Variants in KLHDC1 observed in about 807,000 individuals in gnomAD.
The protein encoded by KLHDC1 is kelch domain-containing protein 1.
A neutral mutation model predicts 68.3 loss-of-function variants in KLHDC1; 53 were observed. That is an observed-to-expected ratio of 0.78 (90% CI 0.62 to 0.98). KLHDC1 has a LOEUF of 0.98. Ranked by LOEUF, KLHDC1 falls within the 50% of genes least tolerant of loss-of-function variation. The pLI is 0.00. For synonymous variants in KLHDC1, 148 were observed against 159.0 expected, an observed-to-expected ratio of 0.93 and a Z score of 0.52; for missense variants, 470 against 492.3, an observed-to-expected ratio of 0.95 and a Z score of 0.43.
intron 4 of KLHDC1, among the ~76,000 whole-genome samples, chr14:49,711,048 A>G (rs893126046): frequency 2.0e-5 from 3 of 151,892 alleles, no homozygotes; most frequent in African/African-American, 7.3e-5. Flanking sequence ...GCTGGAGTGC[A>G]ATGGCACGAT....
chr14:49,715,561 A>G (rs1203511259), intron 4 of KLHDC1, among the ~76,000 whole-genome samples: 1 of 150,552 alleles, frequency 6.6e-6, no homozygotes, highest in Non-Finnish European at 1.5e-5. Flanking sequence ...AGCCTGGCTG[A>G]CAGTGAAACC....
chr14:49,722,346 A>G (rs1293194626), intron 4 of KLHDC1, among the ~76,000 whole-genome samples: 1 of 152,110 alleles, frequency 6.6e-6, no homozygotes, highest in African/African-American at 2.4e-5. Flanking sequence ...GTTCCCACCT[A>G]TGAGTGAGAA....
chr14:49,728,247 C>T (rs1041712269), intron 6 of KLHDC1, among the ~76,000 whole-genome samples: 2 of 151,316 alleles, frequency 1.3e-5, no homozygotes, highest in Admixed American at 1.3e-4. Flanking sequence ...CGCATAAACC[C>T]GGGAGGTGGA....
intron 1 of KLHDC1, among the ~76,000 whole-genome samples, chr14:49,694,579 C>T (rs1239581857): frequency 2.8e-4 from 43 of 152,102 alleles, no homozygotes; most frequent in Admixed American, 2.8e-3. Flanking sequence ...CCTGGCTGGG[C>T]GCGGTGGCTC....
chr14:49,731,965 G>T (rs1330311233), intron 8 of KLHDC1, among the ~76,000 whole-genome samples: 2 of 151,868 alleles, frequency 1.3e-5, no homozygotes, highest in East Asian at 3.9e-4. Flanking sequence ...TAATGTTTTG[G>T]GAAATTCTAG....
chr14:49,744,930 C>T (rs1200637987), intron 12 of KLHDC1, among the ~76,000 whole-genome samples: 1 of 152,062 alleles, frequency 6.6e-6, no homozygotes, highest in Non-Finnish European at 1.5e-5. Context: ...CTTGTAGTGT[C>T]TTAGTTCATA....
chr14:49,718,979 A>T (rs1340284467), intron 4 of KLHDC1, among the ~76,000 whole-genome samples: 1 of 151,616 alleles, frequency 6.6e-6, no homozygotes, highest in East Asian at 1.9e-4. Flanking sequence ...GGGTTTCACC[A>T]TGTTGGCCAA....
At chr14:49,703,373 G>C (rs567245071) in intron 1 of KLHDC1, among the ~76,000 whole-genome samples, 2 of 146,760 alleles carry the variant, frequency 1.4e-5, no homozygotes, top group Non-Finnish European at 3.0e-5. Flanking sequence ...ACAGAGTTTC[G>C]CTCCTGTTGC....
Position 49,729,474 on chromosome 14 carries a change from C to T in KLHDC1, c.652-16C>T, listed in dbSNP as rs771247723. On this transcript the variant is annotated splice_polypyrimidine_tract_variant and intron_variant, in intron 7 of 12. Coordinates refer to ENST00000359332, the MANE Select transcript of KLHDC1 (RefSeq NM_172193.3). ...AGATGTGAAATACTGACCAATGTAA[C>T]ACACTTTTCTTTTAGCAAACTAGGA... 1 of 1,583,674 alleles carries T rather than the reference C, an allele frequency of 6.3e-7. No individual in the cohort carries two copies. Among genetic ancestry groups the T allele is most frequent in the African/African-American group, 1.3e-5 (1 of 74,272 alleles).
chr14:49,727,772 T>G (rs1440965363), intron 6 of KLHDC1, among the ~76,000 whole-genome samples: 1 of 152,226 alleles, frequency 6.6e-6, no homozygotes, highest in East Asian at 1.9e-4. Context: ...GAATTATGTC[T>G]TACCAAGTTG....
chr14:49,705,138 A>G (rs887773319), intron 1 of KLHDC1, among the ~76,000 whole-genome samples: 1 of 152,148 alleles, frequency 6.6e-6, no homozygotes, highest in South Asian at 2.1e-4. Context: ...GAGTACTATA[A>G]GAGAGAAAAG....
intron 9 of KLHDC1, 31 bp downstream of exon 9, chr14:49,732,847 T>A (rs1400359693): frequency 9.8e-7 from 1 of 1,017,314 alleles, no homozygotes. Flanking sequence ...CCTATAATTA[T>A]TATCTCATTC....
intron 10 of KLHDC1, among the ~76,000 whole-genome samples, chr14:49,737,481 GA>G: frequency 6.6e-6 from 1 of 152,100 alleles, no homozygotes; most frequent in East Asian, 1.9e-4. Flanking sequence ...CTGGGAAGTA[GA>G]AAAAATAAAA....
rs1889327826 is a variant in KLHDC1, at chr14:49,751,831, A to G, written c.*59A>G. On this transcript the variant is annotated 3_prime_UTR_variant, in exon 13 of 13. Transcript: ENST00000359332. ...AACTTTTTAATCAGACTATACATTT[A>G]CACTCCCAAATTGCAGGCTTTATTT... 3.7e-6 allele frequency: 3 copies of G among 806,196 alleles called. No individual in the cohort carries two copies. The highest frequency in any genetic ancestry group is 7.2e-5 in the Admixed American group (2 of 27,798). 49.9% of individuals were successfully genotyped at this position (806,196 alleles called of 1,614,324 possible). A position where few individuals can be genotyped will look rare whatever the true frequency, so the allele number is the denominator to read the frequency against.
intron 12 of KLHDC1, among the ~76,000 whole-genome samples, chr14:49,748,606 G>C (rs942097711): frequency 6.6e-6 from 1 of 151,740 alleles, no homozygotes; most frequent in Non-Finnish European, 1.5e-5. Context: ...AATATTATAA[G>C]AAATTAAAAG....
intron 1 of KLHDC1, among the ~76,000 whole-genome samples, chr14:49,697,610 C>T (rs1300248781): frequency 6.6e-6 from 1 of 152,178 alleles, no homozygotes; most frequent in East Asian, 1.9e-4. Context: ...CTGTCAAGCA[C>T]AGTAAAGCAA....
intron 10 of KLHDC1, among the ~76,000 whole-genome samples, chr14:49,738,015 A>C (rs998178307): frequency 1.4e-4 from 21 of 151,880 alleles, no homozygotes; most frequent in African/African-American, 4.6e-4. Flanking sequence ...TAAACCATAA[A>C]ATTAGTATTT....
chr14:49,704,425 G>A (rs186782935), intron 1 of KLHDC1, among the ~76,000 whole-genome samples: 69 of 99,342 alleles, frequency 6.9e-4, no homozygotes, highest in African/African-American at 2.4e-3. Flanking sequence ...ACAGAGTCTC[G>A]CTTTGTCGCC....
At chr14:49,733,585 G>A (rs1382192346) in intron 9 of KLHDC1, among the ~76,000 whole-genome samples, 1 of 151,498 alleles carries the variant, frequency 6.6e-6, no homozygotes, top group East Asian at 1.9e-4. Flanking sequence ...CCACCACCAC[G>A]CTCAGCTAAT....
Sources: allele counts gnomAD v4.1 joint callset (sites outside exome capture counted in the v4.1 genomes callset), GRCh38; gene constraint gnomAD v4.1.1; transcripts MANE v1.5; gene names NCBI Gene and HGNC (gene_info 2026-07-23, HGNC 2026-07-21).